The following DAB1 variants were observed in gnomAD, a reference collection of about 807,000 sequenced individuals.
The protein encoded by DAB1 is DAB adaptor protein 1.
DAB1 carries 15 observed loss-of-function variants against 64.6 expected under a neutral mutation model. That is an observed-to-expected ratio of 0.23 (90% CI 0.16 to 0.36). The LOEUF (loss-of-function observed/expected upper bound fraction) is 0.36. Among genes scored for constraint, DAB1 ranks in the 10% least tolerant of loss-of-function variants. The probability of loss-of-function intolerance (pLI) is 1.00; values close to 1 mark genes in which losing one functional copy is unlikely to be tolerated. For synonymous variants in DAB1, 235 were observed against 251.9 expected, an observed-to-expected ratio of 0.93 and a Z score of 0.64; for missense variants, 596 against 706.7, an observed-to-expected ratio of 0.84 and a Z score of 1.78.
chr1:57,894,653 A>G (rs968874319), intron 5 of DAB1, among the ~76,000 whole-genome samples: 20 of 152,150 alleles, frequency 1.3e-4, no homozygotes, highest in Non-Finnish European at 1.9e-4. Context: ...TGGGAAAAAA[A>G]ACTCGAAGGG....
chr1:57,014,781 G>T, intron 12 of DAB1, 102 bp downstream of exon 12: 1 of 922,000 alleles, frequency 1.1e-6, no homozygotes, highest in Non-Finnish European at 1.6e-6. Flanking sequence ...AAAGAAGCCT[G>T]ATTAATGCAA....
At chr1:57,600,689 C>T (rs1296829794) in intron 7 of DAB1, among the ~76,000 whole-genome samples, 1 of 152,098 alleles carries the variant, frequency 6.6e-6, no homozygotes, top group African/African-American at 2.4e-5. Context: ...ATTGAATTAG[C>T]ATAAGCATTG....
chr1:57,994,998 GAA>G (rs1018502509), intron 5 of DAB1, among the ~76,000 whole-genome samples: 1 of 152,140 alleles, frequency 6.6e-6, no homozygotes, highest in African/African-American at 2.4e-5. Flanking sequence ...TGGTACAGCC[GAA>G]AGAACACTGA....
In DAB1 at chr1:57,914,052, G is replaced by C. The variant is rs374464327; in HGVS notation, n.388-29890C>G. ...GTCAGTGTGGTGATTCCTCAGGGAT[G>C]TAGAACTAGAAATACCATTTGACCC... is the stretch of plus-strand genomic sequence containing the variant. On this transcript the variant is annotated intron_variant and non_coding_transcript_variant, in intron 5 of 20. Transcript: ENST00000485760. Among the ~76,000 whole-genome samples the C allele has an allele frequency of 6.0e-4, 91 of 152,274 alleles. 2 individuals carry two copies. The East Asian group carries it at 0.016, about 28-fold the overall frequency.
chr1:57,896,283 A>G (rs979214921), intron 5 of DAB1, among the ~76,000 whole-genome samples: 11 of 152,104 alleles, frequency 7.2e-5, no homozygotes, highest in Non-Finnish European at 1.6e-4. Context: ...GTCCTATATC[A>G]GTGCTTAGCC....
chr1:57,605,021 A>G (rs1645619890), intron 7 of DAB1, among the ~76,000 whole-genome samples: 2 of 152,226 alleles, frequency 1.3e-5, no homozygotes, highest in African/African-American at 4.8e-5. Context: ...GAATTGCCAT[A>G]AAGAATATAA....
chr1:58,206,287 G>T (rs1487516339), intron 4 of DAB1, among the ~76,000 whole-genome samples: 1 of 152,204 alleles, frequency 6.6e-6, no homozygotes, highest in Non-Finnish European at 1.5e-5. Context: ...TTGAGTTTCT[G>T]ATTAGGCAAT....
chr1:58,342,436 G>C (rs1473347944), intron 4 of DAB1, among the ~76,000 whole-genome samples: 1 of 152,154 alleles, frequency 6.6e-6, no homozygotes, highest in Admixed American at 6.6e-5. Context: ...ACATCCTAAT[G>C]AGAATGTGGA....
At position 56,997,251 on chromosome 1, in the gene DAB1, G is replaced by A. The variant is rs1645661857; in HGVS notation, c.*893C>T. On this transcript the variant is annotated 3_prime_UTR_variant, in exon 15 of 15. Coordinates refer to ENST00000371236, the MANE Select transcript of DAB1 (RefSeq NM_001365792.1). ...AAAAAATATCATTTTATTGTACTTA[G>A]AGTTTAGAGCTTCTTAAGAAATCAG... The A allele has an allele frequency of 6.6e-6, 1 of 152,148 alleles. No individual in the cohort carries two copies. The highest frequency in any genetic ancestry group is 1.5e-5 in the Non-Finnish European group (1 of 68,026). The allele number at this position is 152,148 out of a possible 1,614,324, so 9.4% of individuals were successfully genotyped here.
chr1:57,013,192 C>T (rs770629106), intron 12 of DAB1, among the ~76,000 whole-genome samples: 2 of 152,230 alleles, frequency 1.3e-5, no homozygotes, highest in Non-Finnish European at 2.9e-5. Context: ...TAAAACATAA[C>T]AGTAGCTAAG....
intron 5 of DAB1, among the ~76,000 whole-genome samples, chr1:57,891,238 C>T (rs528841642): frequency 3.9e-5 from 6 of 152,054 alleles, no homozygotes; most frequent in Admixed American, 6.6e-5. Flanking sequence ...GACATTTATG[C>T]GGCCAACAAA....
chr1:57,944,952 T>A (rs1645162223), intron 5 of DAB1, among the ~76,000 whole-genome samples: 1 of 152,202 alleles, frequency 6.6e-6, no homozygotes, highest in Non-Finnish European at 1.5e-5. Context: ...CACCATCACC[T>A]TGACAGTATC....
intron 6 of DAB1, among the ~76,000 whole-genome samples, chr1:57,717,271 A>AT (rs1490457794): frequency 2.0e-5 from 3 of 151,856 alleles, no homozygotes; most frequent in African/African-American, 4.8e-5. Context: ...AAAAATAAAA[A>AT]AAAAAGAAAG....
At chr1:57,872,391 A>G (rs1414313404) in intron 1 of DAB1, among the ~76,000 whole-genome samples, 1 of 152,202 alleles carries the variant, frequency 6.6e-6, no homozygotes, top group East Asian at 1.9e-4. Context: ...AGGTATATCT[A>G]TGAACCAGGA....
chr1:58,096,285 T>C (rs892934366), intron 5 of DAB1, among the ~76,000 whole-genome samples: 1 of 152,246 alleles, frequency 6.6e-6, no homozygotes, highest in Non-Finnish European at 1.5e-5. Context: ...TTTGGTTTAC[T>C]ATCATACTAT....
Position 57,418,719 on chromosome 1 carries a change from T to C in DAB1, c.-137+5211A>G, listed in dbSNP as rs1055510093. ...TGTTTATGAGACTCCCCCACTGGCA[T>C]TGCAGATTGGTTATATGTCAGCTTC... On this transcript the variant is annotated intron_variant, in intron 1 of 14. Transcript: ENST00000371236. Among the ~76,000 whole-genome samples, 103 of 152,198 alleles carry C rather than the reference T, an allele frequency of 6.8e-4. 1 individual carries two copies. The highest frequency in any genetic ancestry group is 2.3e-3 in the African/African-American group (94 of 41,448).
chr1:58,065,124 T>C (rs1450033522), intron 5 of DAB1, among the ~76,000 whole-genome samples: 1 of 152,196 alleles, frequency 6.6e-6, no homozygotes, highest in Non-Finnish European at 1.5e-5. Context: ...GAATTGACTA[T>C]TAACTGCTAA....
chr1:58,231,626 A>T (rs1359101133), intron 4 of DAB1, among the ~76,000 whole-genome samples: 1 of 152,226 alleles, frequency 6.6e-6, no homozygotes, highest in African/African-American at 2.4e-5. Context: ...TCTATGCTAC[A>T]TAATAACATT....
chr1:58,132,868 C>T (rs1460666436), intron 5 of DAB1, among the ~76,000 whole-genome samples: 2 of 152,168 alleles, frequency 1.3e-5, no homozygotes, highest in African/African-American at 2.4e-5. Context: ...AGTGAATTAA[C>T]ATAATCCAGA....
Sources: allele counts gnomAD v4.1 joint callset (sites outside exome capture counted in the v4.1 genomes callset), GRCh38; gene constraint gnomAD v4.1.1; transcripts MANE v1.5; gene names NCBI Gene and HGNC (gene_info 2026-07-23, HGNC 2026-07-21).